The following SRBD1 variants were observed in gnomAD, a reference collection of about 807,000 sequenced individuals.
The protein encoded by SRBD1 is S1 RNA-binding domain-containing protein 1.
SRBD1 carries 88 observed loss-of-function variants against 115.3 expected under a neutral mutation model. The ratio of observed to expected loss-of-function variants is 0.76; its 90% CI spans 0.64 to 0.91. The LOEUF (loss-of-function observed/expected upper bound fraction) is 0.91, where lower values mean the gene tolerates loss of function less well. Ranked by LOEUF, SRBD1 falls within the 40% of genes least tolerant of loss-of-function variation. The probability of loss-of-function intolerance (pLI) is 0.00; values close to 1 mark genes in which losing one functional copy is unlikely to be tolerated. For missense variants in SRBD1, 1,385 were observed against 1,177.4 expected (o/e 1.18, Z -2.58); for synonymous variants, 509 against 407.7 (o/e 1.25, Z -2.99).
chr2:45,547,485 G>A (rs1672156584), intron 13 of SRBD1, 37 bp downstream of exon 13: 4 of 1,567,442 alleles, frequency 2.6e-6, no homozygotes, highest in Middle Eastern at 1.7e-4. Context: ...GGTTGACTGA[G>A]CCACTGATAT....
At chr2:45,543,711 T>C (rs1672019713) in intron 14 of SRBD1, among the ~76,000 whole-genome samples, 1 of 152,184 alleles carries the variant, frequency 6.6e-6, no homozygotes, top group Non-Finnish European at 1.5e-5. Flanking sequence ...TTGCTATAAA[T>C]TCCAATTAGA....
Position 45,413,256 on chromosome 2 carries a change from C to T in SRBD1, c.2371G>A (p.Ala791Thr), listed in dbSNP as rs142081663. ...TETSGQIQGV[A>T]VTSSADVEVT... ...TCAACGTCTGCTGAAGATGTCACAG[C>T]AACTCCTTGAATTTGGCCTGAAGTT... The change falls in exon 19 of 21, where the codon GCT (alanine) becomes ACT (threonine). Residue 791 changes from alanine to threonine, a missense_variant. Transcript: ENST00000263736. The T allele has an allele frequency of 4.2e-5, 68 of 1,613,988 alleles. No homozygotes were observed. Among genetic ancestry groups the T allele is most frequent in the South Asian group, 5.5e-5 (5 of 91,034 alleles).
chr2:45,575,560 A>C (rs1052339161), intron 7 of SRBD1, among the ~76,000 whole-genome samples: 2 of 152,234 alleles, frequency 1.3e-5, no homozygotes, highest in African/African-American at 2.4e-5. Flanking sequence ...GTAATAAGGT[A>C]CAAAAGCCAA....
intron 14 of SRBD1, among the ~76,000 whole-genome samples, chr2:45,498,587 T>A (rs1670531529): frequency 6.6e-6 from 1 of 152,122 alleles, no homozygotes; most frequent in South Asian, 2.1e-4. Flanking sequence ...ATATAATAAA[T>A]TACTGTTAAT....
chr2:45,530,948 A>G (rs528082046), intron 14 of SRBD1, among the ~76,000 whole-genome samples: 1 of 148,242 alleles, frequency 6.7e-6, no homozygotes, highest in South Asian at 2.1e-4. Flanking sequence ...AACAAAAACA[A>G]AACAAAGACA....
intron 9 of SRBD1, chr2:45,567,973 A>C (rs975861779): frequency 3.3e-5 from 5 of 152,240 alleles, no homozygotes; most frequent in African/African-American, 1.2e-4. Context: ...ATGGTGGAGA[A>C]GGGAATAAGG....
intron 4 of SRBD1, among the ~76,000 whole-genome samples, chr2:45,586,420 A>G (rs900061799): frequency 5.3e-5 from 8 of 152,232 alleles, no homozygotes; most frequent in African/African-American, 1.2e-4. Flanking sequence ...ATATGAAATG[A>G]TTCACAAGAT....
At chr2:45,407,390 T>C (rs147967027) in intron 19 of SRBD1, among the ~76,000 whole-genome samples, 135 of 152,314 alleles carry the variant, frequency 8.9e-4, no homozygotes, top group South Asian at 4.6e-3. Context: ...CTTTACAAGA[T>C]TCCCCTATTT....
At chr2:45,427,395 GAC>G (rs1187458647) in intron 16 of SRBD1, among the ~76,000 whole-genome samples, 1 of 150,996 alleles carries the variant, frequency 6.6e-6, no homozygotes, top group Non-Finnish European at 1.5e-5. Flanking sequence ...CATGTGCAAA[GAC>G]ACACACAGGC....
At chr2:45,544,799 C>T (rs952279496) in intron 14 of SRBD1, among the ~76,000 whole-genome samples, 6 of 152,172 alleles carry the variant, frequency 3.9e-5, no homozygotes, top group African/African-American at 1.4e-4. Context: ...TAAACAAATA[C>T]AAACACACTC....
chr2:45,577,184 A>T (rs1243630450), intron 7 of SRBD1, among the ~76,000 whole-genome samples: 3 of 152,326 alleles, frequency 2.0e-5, no homozygotes, highest in Middle Eastern at 6.8e-3. Context: ...ATCATTTGGG[A>T]CACTCTTTCA....
chr2:45,558,604 T>C (rs1672556164), intron 10 of SRBD1, among the ~76,000 whole-genome samples: 1 of 152,110 alleles, frequency 6.6e-6, no homozygotes, highest in African/African-American at 2.4e-5. Context: ...AAATCACTAT[T>C]TGCCCTATTA....
chr2:45,589,913 T>C lies in SRBD1; in HGVS notation c.649-4139A>G, dbSNP rs79062684. 5.5e-3 allele frequency among the ~76,000 whole-genome samples: 831 copies of C among 152,318 alleles called. 6 individuals are homozygous for C. The highest frequency in any genetic ancestry group is 0.01 in the Middle Eastern group (3 of 294). On this transcript the variant is annotated intron_variant, in intron 4 of 20. Transcript: ENST00000263736. ...CAGACAGACATGTAAATAGTCAACATACAGTATGGTTCATACTCTGACAGA... is the reference window on the plus strand; with the variant it reads ...CAGACAGACATGTAAATAGTCAACACACAGTATGGTTCATACTCTGACAGA...
intron 6 of SRBD1, 39 bp from the exon 7 acceptor site, chr2:45,580,052 A>C (rs1673301736): frequency 6.9e-7 from 1 of 1,439,320 alleles, no homozygotes; most frequent in African/African-American, 1.4e-5. Context: ...TTATGTTTTA[A>C]AAAAACAAAA....
intron 14 of SRBD1, among the ~76,000 whole-genome samples, chr2:45,520,943 C>G (rs1038752270): frequency 6.6e-6 from 1 of 152,158 alleles, no homozygotes; most frequent in South Asian, 2.1e-4. Context: ...TGCAATGGCC[C>G]TCTGCCCTTG....
intron 16 of SRBD1, among the ~76,000 whole-genome samples, chr2:45,469,258 A>AT: frequency 6.6e-6 from 1 of 152,146 alleles, no homozygotes; most frequent in Non-Finnish European, 1.5e-5. Context: ...GTTATATATA[A>AT]TTTTTTAAAT....
intron 14 of SRBD1, among the ~76,000 whole-genome samples, chr2:45,508,385 G>T (rs532475349): frequency 3.9e-5 from 6 of 152,278 alleles, no homozygotes; most frequent in African/African-American, 1.4e-4. Context: ...AATGGCTGAA[G>T]AAACTTTTAA....
intron 14 of SRBD1, among the ~76,000 whole-genome samples, chr2:45,526,209 A>G (rs1671436881): frequency 6.6e-6 from 1 of 152,088 alleles, no homozygotes; most frequent in Admixed American, 6.6e-5. Context: ...CTCAATGTCA[A>G]TCGACTAATA....
chr2:45,419,112 A>G (rs1052973215), intron 17 of SRBD1, among the ~76,000 whole-genome samples: 5 of 152,198 alleles, frequency 3.3e-5, no homozygotes, highest in African/African-American at 9.6e-5. Flanking sequence ...CTCTATTATA[A>G]AATTCCATAT....
Sources: allele counts gnomAD v4.1 joint callset (sites outside exome capture counted in the v4.1 genomes callset), GRCh38; gene constraint gnomAD v4.1.1; transcripts MANE v1.5; gene names NCBI Gene and HGNC (gene_info 2026-07-23, HGNC 2026-07-21).